IL1R1: variants seen among roughly 807,000 people sequenced by gnomAD.
The protein encoded by IL1R1 is interleukin-1 receptor type 1.
In IL1R1, 22 loss-of-function variants were observed where a neutral mutation model predicts 50.2. That is an observed-to-expected ratio of 0.44 (90% confidence interval 0.31 to 0.63). The LOEUF is 0.63. Ranked by LOEUF, IL1R1 falls within the 20% of genes least tolerant of loss-of-function variation. The pLI, the probability that IL1R1 is intolerant of heterozygous loss-of-function variation, is 0.07. For synonymous variants in IL1R1, 251 were observed against 236.7 expected (o/e 1.06, Z -0.55); for missense variants, 509 against 676.2 (o/e 0.75, Z 2.74).
chr2:102,094,410 A>AAAATC (rs1216703742), intron 1 of IL1R1, among the ~76,000 whole-genome samples: 9 of 152,364 alleles, frequency 5.9e-5, no homozygotes, highest in African/African-American at 2.2e-4. Context: ...AACTTTATTC[A>AAAATC]AAATCATCTT....
At chr2:102,113,173 T>G (rs1309237272) in intron 1 of IL1R1, among the ~76,000 whole-genome samples, 1 of 152,262 alleles carries the variant, frequency 6.6e-6, no homozygotes, top group African/African-American at 2.4e-5. Flanking sequence ...GGTATAACTA[T>G]CTTTAAAGAC....
intron 1 of IL1R1, among the ~76,000 whole-genome samples, chr2:102,091,761 C>G (rs1487882370): frequency 6.6e-6 from 1 of 152,182 alleles, no homozygotes; most frequent in African/African-American, 2.4e-5. Context: ...TGACCAAGCT[C>G]TCTTTATCCC....
chr2:102,088,030 C>T lies in IL1R1; in HGVS notation c.-84+17497C>T, dbSNP rs1456098784. Among the ~76,000 whole-genome samples, 8 of 152,240 alleles carry T rather than the reference C, an allele frequency of 5.3e-5. No individual in the cohort carries two copies. In the East Asian group the frequency reaches 1.5e-3, roughly 29 times the overall value. ...TCTAGTTCTCTTGCTATTTTCACCA[C>T]ATCTGCAGTTACTTCCTCTACTGAA... On this transcript the variant is annotated intron_variant, in intron 1 of 11. Transcript: ENST00000409929.
chr2:102,105,403 C>T (rs1680346416), intron 1 of IL1R1, among the ~76,000 whole-genome samples: 1 of 152,130 alleles, frequency 6.6e-6, no homozygotes, highest in Non-Finnish European at 1.5e-5. Flanking sequence ...CTCACTTTGT[C>T]ACCCAGACTG....
At chr2:102,176,114 G>A in intron 11 of IL1R1, 1 of 484,122 alleles carries the variant, frequency 2.1e-6, no homozygotes, top group South Asian at 2.8e-5. Flanking sequence ...TTGAGCCTAG[G>A]AGTTTGAGGC....
At chr2:102,113,902 C>A (rs750739508) in intron 1 of IL1R1, among the ~76,000 whole-genome samples, 1 of 152,178 alleles carries the variant, frequency 6.6e-6, no homozygotes, top group Non-Finnish European at 1.5e-5. Context: ...TTCTTCAAGT[C>A]GCGGCAGATC....
rs1291095049 is a variant in IL1R1, at chr2:102,094,398, G to T, written c.-84+23865G>T. ...GATAGATATGGGGTCTGATTATAAAGAAACTTTATTCAAAATCATCTTTGT... is the reference window on the plus strand; with the variant it reads ...GATAGATATGGGGTCTGATTATAAATAAACTTTATTCAAAATCATCTTTGT... On this transcript the variant is annotated intron_variant, in intron 1 of 11. Transcript: ENST00000409929. Among the ~76,000 whole-genome samples the T allele has an allele frequency of 1.2e-4, 18 of 152,134 alleles. 1 individual carries two copies. Among genetic ancestry groups the T allele is most frequent in the African/African-American group, 2.4e-5 (1 of 41,438 alleles).
chr2:102,131,211 G>A (rs1396062281), intron 1 of IL1R1, among the ~76,000 whole-genome samples: 1 of 152,204 alleles, frequency 6.6e-6, no homozygotes, highest in Non-Finnish European at 1.5e-5. Context: ...GAATGGTGCT[G>A]TGGTCCTGTC....
chr2:102,167,691 G>A (rs1348584437), intron 6 of IL1R1, among the ~76,000 whole-genome samples: 13 of 151,682 alleles, frequency 8.6e-5, no homozygotes, highest in African/African-American at 3.1e-4. Context: ...CTCGTGATCC[G>A]CCCACCTCTG....
At chr2:102,085,558 T>A (rs140096310) in intron 1 of IL1R1, among the ~76,000 whole-genome samples, 1 of 152,172 alleles carries the variant, frequency 6.6e-6, no homozygotes, top group Non-Finnish European at 1.5e-5. Flanking sequence ...TCTGGACTAT[T>A]CATTCTATTG....
chr2:102,139,081 G>A (rs914875729), upstream of IL1R1, among the ~76,000 whole-genome samples: 2 of 152,114 alleles, frequency 1.3e-5, no homozygotes, highest in African/African-American at 4.8e-5. Flanking sequence ...AGTTCTTTGG[G>A]GGTGGTGGGG....
At chr2:102,110,288 G>A (rs1680677075) in intron 1 of IL1R1, among the ~76,000 whole-genome samples, 1 of 152,146 alleles carries the variant, frequency 6.6e-6, no homozygotes, top group South Asian at 2.1e-4. Flanking sequence ...TGTTATTTCA[G>A]GCAATGTTGC....
chr2:102,175,827 C>A, intron 11 of IL1R1, 182 bp downstream of exon 11: 1 of 649,780 alleles, frequency 1.5e-6, no homozygotes, highest in South Asian at 1.9e-5. Context: ...CATATTTTGT[C>A]AGAGCAATAA....
intron 1 of IL1R1, among the ~76,000 whole-genome samples, chr2:102,127,705 A>G (rs1681800841): frequency 6.6e-6 from 1 of 150,702 alleles, no homozygotes; most frequent in African/African-American, 2.4e-5. Context: ...GTATCCATGC[A>G]ACATCCAATG....
In IL1R1 at chr2:102,164,927, C is replaced by G. The variant is rs1685040941; in HGVS notation, c.215C>G (p.Ser72Cys). 6.2e-7 allele frequency: 1 copy of G among 1,614,080 alleles called. No individual in the cohort carries two copies. Among genetic ancestry groups the G allele is most frequent in the East Asian group, 2.2e-5 (1 of 44,866 alleles). The change falls in exon 4 of 12, where the codon TCC becomes TGC. Residue 72 changes from serine to cysteine, a missense_variant. Coordinates refer to ENST00000410023, the MANE Select transcript of IL1R1 (RefSeq NM_000877.4). ...ACACCTGTATCTACAGAACAAGCCT[C>G]CAGGATTCATCAACACAAAGAGAAA... ...SKTPVSTEQA[S>C]RIHQHKEKLW...
chr2:102,121,056 G>T (rs527376821), intron 1 of IL1R1, among the ~76,000 whole-genome samples: 2 of 152,242 alleles, frequency 1.3e-5, no homozygotes, highest in Admixed American at 6.5e-5. Flanking sequence ...ATCCTGCAGG[G>T]TTTCCCTCTT....
chr2:102,070,416 G>A (rs1414258461), exon 1 of IL1R1: 3 of 152,166 alleles, frequency 2.0e-5, no homozygotes, highest in Non-Finnish European at 4.4e-5. Context: ...ATCAAAAATG[G>A]GAGGTGACAC....
Position 102,142,968 on chromosome 2 carries a change from C to A in IL1R1, c.-136C>A, listed in dbSNP as rs951611740. On this transcript the variant is annotated 5_prime_UTR_variant, in exon 1 of 12. Transcript: ENST00000410023. ...AGGGCTCTCGCCCCTCTGAGCTGAG[C>A]CGGGTTCCGCCCGGGGCTGGGATCC... 6.6e-6 allele frequency: 1 copy of A among 152,284 alleles called. No homozygotes were observed. Among genetic ancestry groups the A allele is most frequent in the Non-Finnish European group, 1.5e-5 (1 of 68,142 alleles). The allele number at this position is 152,284 out of a possible 1,614,324, so 9.4% of individuals were successfully genotyped here.
At chr2:102,139,548 C>G (rs538700894), upstream of IL1R1, among the ~76,000 whole-genome samples, 1 of 152,222 alleles carries the variant, frequency 6.6e-6, no homozygotes, top group Admixed American at 6.5e-5. Context: ...AAAATGTAAT[C>G]CCCAATGTTG....
Sources: gnomAD v4.1 joint callset for allele counts (sites outside exome capture counted in the v4.1 genomes callset) on GRCh38, gnomAD v4.1.1 for gene constraint, MANE v1.5 for transcripts, NCBI Gene and HGNC (gene_info 2026-07-23, HGNC 2026-07-21) for gene names.